The following CLIC2 variants were observed in gnomAD, a reference collection of about 807,000 sequenced individuals.
The protein encoded by CLIC2 is CLIC family member 2.
In CLIC2, 9 loss-of-function variants were observed where a neutral mutation model predicts 14.8. The ratio of observed to expected loss-of-function variants is 0.61; its 90% CI spans 0.37 to 1.06. The LOEUF is 1.06. CLIC2 is among the 50% of genes least tolerant of loss of function. CLIC2 has a pLI of 0.01. For synonymous variants in CLIC2, 61 were observed against 66.3 expected, an observed-to-expected ratio of 0.92 and a Z score of 0.39; for missense variants, 148 against 181.4, an observed-to-expected ratio of 0.82 and a Z score of 1.06.
rs2074971805 is a variant in CLIC2 at position 155,292,523 on chromosome X, C to T, written c.293+6262G>A. The stretch of plus-strand genomic sequence containing the variant: ...TTAAGAAAGCTGCCTGTAATCCCAG[C>T]ACTTTGGGAGGCCGAGGTGGGCAGA... On this transcript the variant is annotated intron_variant, in intron 3 of 5. Coordinates refer to ENST00000369449, the MANE Select transcript of CLIC2 (RefSeq NM_001289.6). 4 of 522,202 alleles carry T rather than the reference C, an allele frequency of 7.7e-6. No individual in the cohort carries two copies. The Admixed American group carries it at 8.0e-5, about 10-fold the overall frequency. The allele number at this position is 522,202 out of a possible 1,213,427, so 43.0% of individuals were successfully genotyped here. A position where few individuals can be genotyped will look rare whatever the true frequency, so the allele number is the denominator to read the frequency against.
intron 3 of CLIC2, chrX:155,291,353 C>A: frequency 1.2e-6 from 1 of 803,892 alleles, no homozygotes; most frequent in East Asian, 3.2e-5. Flanking sequence ...TCTTCACTTG[C>A]TTGGATGCAG....
intron 1 of CLIC2, among the ~76,000 whole-genome samples, chrX:155,319,978 G>C (rs782758515): frequency 4.4e-5 from 5 of 112,664 alleles, no homozygotes; most frequent in Non-Finnish European, 9.4e-5. Flanking sequence ...CTGCAGCTCG[G>C]CAAAGCCGCT....
At chrX:155,297,710 C>T (rs1467020635) in intron 3 of CLIC2, among the ~76,000 whole-genome samples, 9 of 100,268 alleles carry the variant, frequency 9.0e-5, no homozygotes, top group Non-Finnish European at 1.4e-4. Context: ...AAAAATTAGC[C>T]GGGCGTGGTG....
intron 1 of CLIC2, among the ~76,000 whole-genome samples, chrX:155,331,920 A>G (rs781888197): frequency 2.1e-4 from 23 of 111,776 alleles, no homozygotes; most frequent in Non-Finnish European, 3.6e-4. Context: ...CACATTAAAA[A>G]AAGTTTTTGA....
intron 3 of CLIC2, chrX:155,291,369 G>T: frequency 1.4e-6 from 1 of 721,429 alleles, no homozygotes; most frequent in Non-Finnish European, 2.2e-6. Flanking sequence ...TGCAGGTCTG[G>T]TGGGACGTGG....
chrX:155,283,561 AC>A (rs2074927756), intron 3 of CLIC2, among the ~76,000 whole-genome samples: 1 of 109,776 alleles, frequency 9.1e-6, no homozygotes, highest in African/African-American at 3.3e-5. Flanking sequence ...ATCCCTCCCC[AC>A]CCCCCGACAG....
At chrX:155,315,489 A>T (rs1252052302) in intron 1 of CLIC2, among the ~76,000 whole-genome samples, 4 of 112,126 alleles carry the variant, frequency 3.6e-5, no homozygotes, top group Admixed American at 1.9e-4. Flanking sequence ...TCACCCAAGA[A>T]TTTTGTATCC....
At chrX:155,318,383 C>A (rs966232685) in intron 1 of CLIC2, among the ~76,000 whole-genome samples, 4 of 111,681 alleles carry the variant, frequency 3.6e-5, no homozygotes, top group African/African-American at 1.3e-4. Context: ...TTAATGTACA[C>A]AAAACAGTAG....
chrX:155,283,533 G>C (rs1326932543), intron 3 of CLIC2, among the ~76,000 whole-genome samples: 1 of 111,243 alleles, frequency 9.0e-6, no homozygotes, highest in East Asian at 2.8e-4. Flanking sequence ...GCGCCCATTA[G>C]GTATATCTCC....
At chrX:155,293,770 T>A (rs782043960) in intron 3 of CLIC2, among the ~76,000 whole-genome samples, 22 of 111,573 alleles carry the variant, frequency 2.0e-4, no homozygotes, top group Non-Finnish European at 1.9e-4. Flanking sequence ...TATAATCATA[T>A]AAGACAAAAC....
Position 155,334,454 on chromosome X carries a change from C to T in CLIC2, c.-27G>A. 8.7e-7 allele frequency: 1 copy of T among 1,153,315 alleles called. No individual in the cohort carries two copies. The highest frequency in any genetic ancestry group is 2.5e-4 in the Middle Eastern group (1 of 4,050). On this transcript the variant is annotated 5_prime_UTR_variant, in exon 1 of 6. Transcript: ENST00000369449. ...TTTGTCTTTACTGCCAGTTGTCAGC[C>T]TCCTGCCTCCTGTAGAGTCCACAAT...
chrX:155,287,160 A>C (rs1467406747), intron 3 of CLIC2, among the ~76,000 whole-genome samples: 1 of 111,752 alleles, frequency 8.9e-6, no homozygotes, highest in Non-Finnish European at 1.9e-5. Context: ...GAACGGGTCC[A>C]GCTTCAATCG....
intron 1 of CLIC2, 27 bp from the exon 2 acceptor site, chrX:155,299,172 T>C (rs1333171818): frequency 2.7e-6 from 3 of 1,108,160 alleles, no homozygotes; most frequent in Non-Finnish European, 3.7e-6. Flanking sequence ...AGACCTCAGT[T>C]CATTTGTTTG....
chrX:155,280,077 G>T lies in CLIC2; in HGVS notation c.294-9C>A. 1 of 1,100,124 alleles carries T rather than the reference G, an allele frequency of 9.1e-7. No homozygotes were observed. The highest frequency in any genetic ancestry group is 1.8e-5 in the African/African-American group (1 of 55,661). The allele number at this position is 1,100,124 out of a possible 1,213,427, so 90.7% of individuals were successfully genotyped here. The stretch of plus-strand genomic sequence containing the variant: ...GACTCAGGTGAGGGTACCTTAAAAA[G>T]AAACATGCGTCAACTATCATTTGCA... On this transcript the variant is annotated splice_polypyrimidine_tract_variant and intron_variant, in intron 3 of 5. Coordinates refer to ENST00000369449, the MANE Select transcript of CLIC2 (RefSeq NM_001289.6).
intron 1 of CLIC2, among the ~76,000 whole-genome samples, chrX:155,318,384 A>G (rs1157838081): frequency 8.9e-6 from 1 of 112,137 alleles, no homozygotes; most frequent in Non-Finnish European, 1.9e-5. Context: ...TAATGTACAC[A>G]AAACAGTAGC....
At chrX:155,325,423 C>T (rs1283390863) in intron 1 of CLIC2, among the ~76,000 whole-genome samples, 1 of 110,860 alleles carries the variant, frequency 9.0e-6, no homozygotes, top group Non-Finnish European at 1.9e-5. Context: ...GAATATTATG[C>T]AGCCATAAAA....
chrX:155,297,531 T>TA (rs1488777065), intron 3 of CLIC2, among the ~76,000 whole-genome samples: 6 of 108,149 alleles, frequency 5.5e-5, no homozygotes, highest in African/African-American at 2.0e-4. Flanking sequence ...TTTGTACTGA[T>TA]AAAAAAATTT....
chrX:155,292,562 A>G, intron 3 of CLIC2: 1 of 419,152 alleles, frequency 2.4e-6, no homozygotes, highest in Non-Finnish European at 4.2e-6. Flanking sequence ...CGAGGTCAGG[A>G]GATCGAGACC....
chrX:155,298,067 G>T (rs1163346846), intron 3 of CLIC2, among the ~76,000 whole-genome samples: 1 of 107,846 alleles, frequency 9.3e-6, no homozygotes, highest in African/African-American at 3.4e-5. Context: ...ACTGAATTCT[G>T]CCAAAAACTT....
Sources: gnomAD v4.1 joint callset for allele counts (sites outside exome capture counted in the v4.1 genomes callset) on GRCh38, gnomAD v4.1.1 for gene constraint, MANE v1.5 for transcripts, NCBI Gene and HGNC (gene_info 2026-07-23, HGNC 2026-07-21) for gene names.